Variants in KCNJ3 observed in about 807,000 individuals in gnomAD.
KCNJ3 encodes the protein G protein-activated inward rectifier potassium channel 1.
A neutral mutation model predicts 39.2 loss-of-function variants in KCNJ3; 4 were observed. The ratio of observed to expected loss-of-function variants is 0.10; its 90% CI spans 0.05 to 0.23. The LOEUF (loss-of-function observed/expected upper bound fraction) is 0.23, where lower values mean the gene tolerates loss of function less well. Among genes scored for constraint, KCNJ3 ranks in the 10% least tolerant of loss-of-function variants. The pLI is 1.00. For synonymous variants in KCNJ3, 230 were observed against 237.4 expected, an observed-to-expected ratio of 0.97 and a Z score of 0.29; for missense variants, 276 against 634.9, an observed-to-expected ratio of 0.43 and a Z score of 6.08.
At chr2:154,740,679 C>G (rs777333711) in intron 2 of KCNJ3, among the ~76,000 whole-genome samples, 1 of 151,912 alleles carries the variant, frequency 6.6e-6, no homozygotes, top group Non-Finnish European at 1.5e-5. Flanking sequence ...CACTGACTCT[C>G]TTTTTAATCT....
intron 1 of KCNJ3, among the ~76,000 whole-genome samples, chr2:154,706,123 C>T (rs971169296): frequency 3.3e-5 from 5 of 152,010 alleles, no homozygotes; most frequent in Non-Finnish European, 7.4e-5. Flanking sequence ...AAATAATTTA[C>T]TGCATAAATC....
chr2:154,714,997 T>C (rs1685158704), intron 2 of KCNJ3, among the ~76,000 whole-genome samples: 1 of 152,126 alleles, frequency 6.6e-6, no homozygotes, highest in African/African-American at 2.4e-5. Flanking sequence ...AGGTGATAGT[T>C]GAGCTGAAAC....
At chr2:154,716,213 C>T (rs1460697999) in intron 2 of KCNJ3, among the ~76,000 whole-genome samples, 2 of 151,508 alleles carry the variant, frequency 1.3e-5, no homozygotes, top group Non-Finnish European at 2.9e-5. Flanking sequence ...GGGTTCATGC[C>T]GTTCTCCTGC....
At chr2:154,829,132 T>C (rs1418659101) in intron 2 of KCNJ3, among the ~76,000 whole-genome samples, 1 of 152,188 alleles carries the variant, frequency 6.6e-6, no homozygotes, top group Non-Finnish European at 1.5e-5. Context: ...TATTTATGTA[T>C]AACTGATATT....
intron 2 of KCNJ3, among the ~76,000 whole-genome samples, chr2:154,731,702 A>C (rs1217412495): frequency 4.8e-5 from 6 of 125,522 alleles, no homozygotes; most frequent in Non-Finnish European, 8.5e-5. Context: ...AGGTGAACAG[A>C]TCTTGCTCTG....
Position 154,700,571 on chromosome 2 carries a change from C to A in KCNJ3, c.702+1094C>A, listed in dbSNP as rs539234586. On this transcript the variant is annotated intron_variant, in intron 1 of 2. Transcript: ENST00000295101. ...TATTTATCTGAGGTTGCGTAGAGAA[C>A]TGAAGCCAGAGTCTGAATTTAGTAT... Among the ~76,000 whole-genome samples, 3 of 152,280 alleles carry A rather than the reference C, an allele frequency of 2.0e-5. No homozygotes were observed. The South Asian group carries it at 6.2e-4, about 32-fold the overall frequency.
chr2:154,821,888 G>A (rs541898500), intron 2 of KCNJ3, among the ~76,000 whole-genome samples: 3 of 151,702 alleles, frequency 2.0e-5, no homozygotes, highest in South Asian at 2.1e-4. Context: ...TAATCCATTC[G>A]CCTTGGCCTC....
At chr2:154,704,336 G>A (rs1192936726) in intron 1 of KCNJ3, among the ~76,000 whole-genome samples, 1 of 152,052 alleles carries the variant, frequency 6.6e-6, no homozygotes, top group Non-Finnish European at 1.5e-5. Context: ...TTGGCGAGTA[G>A]GAGGAAATGT....
Position 154,699,580 on chromosome 2 carries a change from T to C in KCNJ3, c.702+103T>C. The C allele has an allele frequency of 2.1e-6, 3 of 1,455,780 alleles. No individual in the cohort carries two copies. The highest frequency in any genetic ancestry group is 1.8e-6 in the Non-Finnish European group (2 of 1,107,178). 90.2% of individuals were successfully genotyped at this position (1,455,780 alleles called of 1,614,324 possible). On this transcript the variant is annotated intron_variant, in intron 1 of 2. Coordinates refer to ENST00000295101, the MANE Select transcript of KCNJ3 (RefSeq NM_002239.4). The surrounding 1 kb of genome is among the most constrained non-coding windows in gnomAD (Gnocchi z 6.4). ...CCGGGCCCCCTCCCCTGGTTCTACC[T>C]ATAGCCACAGGTAAACTTCCTTTTG... is the stretch of plus-strand genomic sequence containing the variant.
At chr2:154,801,362 T>G (rs1014773023) in intron 2 of KCNJ3, among the ~76,000 whole-genome samples, 1 of 152,172 alleles carries the variant, frequency 6.6e-6, no homozygotes. Context: ...TTTTTTCTGT[T>G]TCCTAATCTT....
At chr2:154,788,427 G>A (rs921973699) in intron 2 of KCNJ3, among the ~76,000 whole-genome samples, 2 of 152,040 alleles carry the variant, frequency 1.3e-5, no homozygotes, top group East Asian at 1.9e-4. Flanking sequence ...TAATCAAGGT[G>A]CTATATTGCT....
intron 1 of KCNJ3, among the ~76,000 whole-genome samples, chr2:154,702,734 C>T (rs192637594): frequency 2.0e-5 from 3 of 151,948 alleles, no homozygotes; most frequent in African/African-American, 7.2e-5. Context: ...AAATCAAAGG[C>T]TATAGTTTGA....
At chr2:154,835,240 T>C (rs551286515) in intron 2 of KCNJ3, among the ~76,000 whole-genome samples, 56 of 152,020 alleles carry the variant, frequency 3.7e-4, no homozygotes, top group Non-Finnish European at 6.9e-4. Context: ...AGTTTATATA[T>C]TTTTCAGGTT....
chr2:154,786,260 TA>T (rs1408175894), intron 2 of KCNJ3, among the ~76,000 whole-genome samples: 1 of 152,220 alleles, frequency 6.6e-6, no homozygotes, highest in East Asian at 1.9e-4. Flanking sequence ...AGTGTATTTC[TA>T]ACGAAAATTT....
chr2:154,812,440 G>T (rs998497581), intron 2 of KCNJ3, among the ~76,000 whole-genome samples: 1 of 152,030 alleles, frequency 6.6e-6, no homozygotes, highest in Non-Finnish European at 1.5e-5. Context: ...AATTTTAAAA[G>T]AGTCTTTAAA....
chr2:154,755,169 A>G lies in KCNJ3; in HGVS notation c.919+45350A>G, dbSNP rs578046506. On this transcript the variant is annotated intron_variant, in intron 2 of 2. Coordinates refer to ENST00000295101, the MANE Select transcript of KCNJ3 (RefSeq NM_002239.4). ...TTGCTAGAGAGTTTTCCACATTTTT[A>G]AAGTTTTTCAGAGAATAAAATTTTG... Among the ~76,000 whole-genome samples the G allele has an allele frequency of 4.6e-5, 7 of 152,154 alleles. No individual in the cohort carries two copies. In the South Asian group the frequency reaches 1.2e-3, roughly 27 times the overall value.
chr2:154,779,836 A>G (rs1227115996), intron 2 of KCNJ3, among the ~76,000 whole-genome samples: 2 of 152,082 alleles, frequency 1.3e-5, no homozygotes, highest in African/African-American at 2.4e-5. Flanking sequence ...CACCACACCC[A>G]GCCAAGTTTG....
intron 2 of KCNJ3, among the ~76,000 whole-genome samples, chr2:154,813,072 G>C (rs1219272005): frequency 6.6e-6 from 1 of 152,144 alleles, no homozygotes; most frequent in East Asian, 1.9e-4. Context: ...CATTAACCCA[G>C]GTTACACAGC....
intron 2 of KCNJ3, among the ~76,000 whole-genome samples, chr2:154,764,762 G>T (rs951455778): frequency 1.3e-4 from 20 of 151,870 alleles, no homozygotes; most frequent in African/African-American, 4.6e-4. Context: ...ATAAATTTGT[G>T]TTGGACCTCA....
Sources: gnomAD v4.1 joint callset for allele counts (sites outside exome capture counted in the v4.1 genomes callset) on GRCh38, gnomAD v4.1.1 for gene constraint, Gnocchi (gnomAD v3.1) non-coding constraint, MANE v1.5 for transcripts, NCBI Gene and HGNC (gene_info 2026-07-23, HGNC 2026-07-21) for gene names.